The following SFT2D1 variants were observed in gnomAD, a reference collection of about 807,000 sequenced individuals.
The protein encoded by SFT2D1 is SFT2 domain containing 1, also known as vesicle transport protein SFT2A.
A neutral mutation model predicts 28.1 loss-of-function variants in SFT2D1; 24 were observed. That is an observed-to-expected ratio of 0.85 (90% CI 0.62 to 1.20). SFT2D1 has a LOEUF of 1.20. Among genes scored for constraint, SFT2D1 ranks in the 50% most tolerant of loss-of-function variants. SFT2D1 has a pLI of 0.00. For synonymous variants in SFT2D1, 82 were observed against 73.7 expected (o/e 1.11, Z -0.58); for missense variants, 181 against 190.9 (o/e 0.95, Z 0.31).
chr6:166,326,987 T>C lies in SFT2D1; in HGVS notation c.316-820A>G, dbSNP rs191150515. Among the ~76,000 whole-genome samples, 433 of 152,314 alleles carry C rather than the reference T, an allele frequency of 2.8e-3. 2 individuals are homozygous for C. Among genetic ancestry groups the C allele is most frequent in the Middle Eastern group, 6.8e-3 (2 of 294 alleles). On this transcript the variant is annotated intron_variant, in intron 4 of 7. Transcript: ENST00000361731. ...ATATATGTTGATACATATGCTATTA[T>C]AGGAAATTCAAAATAATTGGAGATT...
Position 166,328,282 on chromosome 6 carries a change from A to G in SFT2D1, c.309T>C (p.Val103=). The change falls in exon 4 of 8, where the codon GTT becomes GTC. Residue 103 remains valine, a synonymous_variant. Transcript: ENST00000361731. ...FEATRLLATI[V]MLLCFIFTLC... ...AAATGTATTATTTACTTACAAGCAT[A>G]ACAATTGTTGCAAGCAATCTTGTTG... The G allele has an allele frequency of 6.3e-7, 1 of 1,581,124 alleles. No homozygotes were observed. Among genetic ancestry groups the G allele is most frequent in the South Asian group, 1.2e-5 (1 of 84,610 alleles).
intron 1 of SFT2D1, among the ~76,000 whole-genome samples, chr6:166,337,234 GA>G (rs1778672228): frequency 6.6e-6 from 1 of 152,208 alleles, no homozygotes; most frequent in Admixed American, 6.5e-5. Context: ...GAGGCTGTAG[GA>G]GTAGACGGGA....
In SFT2D1 at chr6:166,342,517, T is replaced by A. The variant is rs533081754; in HGVS notation, c.-36A>T. The A allele has an allele frequency of 2.9e-5, 44 of 1,517,934 alleles. No homozygotes were observed. Among genetic ancestry groups the A allele is most frequent in the Non-Finnish European group, 3.9e-5 (44 of 1,119,846 alleles). The allele number at this position is 1,517,934 out of a possible 1,614,324, so 94.0% of individuals were successfully genotyped here. ...CAGGGCCGTAGCGGCCGCCACTCTG[T>A]TGCCTGCCCCTGACGCCCACCAGGA... On this transcript the variant is annotated 5_prime_UTR_variant, in exon 1 of 8. Coordinates refer to ENST00000361731, the MANE Select transcript of SFT2D1 (RefSeq NM_145169.3).
At chr6:166,320,630 C>T (rs1778335119) in intron 7 of SFT2D1, among the ~76,000 whole-genome samples, 1 of 151,988 alleles carries the variant, frequency 6.6e-6, no homozygotes, top group Admixed American at 6.6e-5. Flanking sequence ...GATCCTCCCA[C>T]CTCAGCCTCC....
At chr6:166,341,830 G>GA (rs34430737) in intron 1 of SFT2D1, among the ~76,000 whole-genome samples, 106,914 of 147,642 alleles carry the variant, frequency 0.72, 38,560 homozygotes, top group East Asian at 0.92. Context: ...CTTTTATTAA[G>GA]AAAAAAAAAA....
chr6:166,336,148 C>A (rs1583041907), intron 1 of SFT2D1, among the ~76,000 whole-genome samples: 1 of 152,256 alleles, frequency 6.6e-6, no homozygotes, highest in Middle Eastern at 3.4e-3. Context: ...TTGGTAAACT[C>A]CCCCAAGAGT....
In SFT2D1 at chr6:166,338,120, G is replaced by A. The variant is rs181135356; in HGVS notation, c.63+4299C>T. 2.5e-3 allele frequency among the ~76,000 whole-genome samples: 388 copies of A among 152,290 alleles called. 1 individual carries two copies. Among genetic ancestry groups the A allele is most frequent in the African/African-American group, 8.6e-3 (359 of 41,552 alleles). Reference sequence around the variant, plus strand: ...GTTGTTTATAAATCACAAAGTCTAAGGTATTTTATTACAGCAGGCTGAATG... The same window carrying A: ...GTTGTTTATAAATCACAAAGTCTAAAGTATTTTATTACAGCAGGCTGAATG... On this transcript the variant is annotated intron_variant, in intron 1 of 7. Coordinates refer to ENST00000361731, the MANE Select transcript of SFT2D1 (RefSeq NM_145169.3).
chr6:166,328,284 C>A lies in SFT2D1; in HGVS notation c.307G>T (p.Val103Phe). The A allele has an allele frequency of 6.3e-7, 1 of 1,586,202 alleles. No homozygotes were observed. Among genetic ancestry groups the A allele is most frequent in the Non-Finnish European group, 8.6e-7 (1 of 1,166,684 alleles). ...ATGTATTATTTACTTACAAGCATAA[C>A]AATTGTTGCAAGCAATCTTGTTGCT... ...FEATRLLATIVMLLCFIFTLC... is the reference protein window; with the variant it reads ...FEATRLLATIFMLLCFIFTLC... The change falls in exon 4 of 8, where the codon GTT (valine) becomes TTT (phenylalanine). Residue 103 changes from valine (V) to phenylalanine (F), a missense_variant. Coordinates refer to ENST00000361731, the MANE Select transcript of SFT2D1 (RefSeq NM_145169.3).
intron 1 of SFT2D1, among the ~76,000 whole-genome samples, chr6:166,340,848 T>C (rs890157965): frequency 1.3e-5 from 2 of 152,264 alleles, no homozygotes; most frequent in Non-Finnish European, 2.9e-5. Context: ...TATTTGTTAA[T>C]GAACGATCAC....
chr6:166,335,651 C>A (rs190058423), intron 1 of SFT2D1, among the ~76,000 whole-genome samples: 7 of 151,828 alleles, frequency 4.6e-5, no homozygotes, highest in African/African-American at 1.7e-4. Context: ...ACATGCTTAG[C>A]GTTCCAATAA....
chr6:166,336,818 C>T (rs538023833), intron 1 of SFT2D1, among the ~76,000 whole-genome samples: 1 of 152,240 alleles, frequency 6.6e-6, no homozygotes, highest in South Asian at 2.1e-4. Flanking sequence ...AATCCTCCTG[C>T]CTCAGGCTTC....
At position 166,330,150 on chromosome 6, in the gene SFT2D1, C is replaced by T. The variant is rs376707135; in HGVS notation, c.150+11G>A. 16 of 1,565,854 alleles carry T rather than the reference C, an allele frequency of 1.0e-5. No individual in the cohort carries two copies. The African/African-American group carries it at 2.1e-4, about 20-fold the overall frequency. On this transcript the variant is annotated intron_variant, in intron 2 of 7. Transcript: ENST00000361731. ...ATAAAAATTATTAAACAATATAAAGCCTTAACTCACAAGAATAGAAAAGAA... is the reference window on the plus strand; with the variant it reads ...ATAAAAATTATTAAACAATATAAAGTCTTAACTCACAAGAATAGAAAAGAA...
chr6:166,332,797 G>C (rs1299759504), intron 1 of SFT2D1, among the ~76,000 whole-genome samples: 1 of 152,246 alleles, frequency 6.6e-6, no homozygotes, highest in Non-Finnish European at 1.5e-5. Context: ...AGTAAGCACA[G>C]CACTGCTTGC....
intron 7 of SFT2D1, among the ~76,000 whole-genome samples, chr6:166,321,352 G>A (rs953374215): frequency 2.0e-5 from 3 of 152,128 alleles, no homozygotes; most frequent in African/African-American, 4.8e-5. Context: ...TGTGTCTGGA[G>A]AGGCTGGTCA....
At chr6:166,323,785 C>T (rs1379889495) in intron 6 of SFT2D1, 2 of 152,182 alleles carry the variant, frequency 1.3e-5, no homozygotes, top group African/African-American at 2.4e-5. Context: ...TTTGGAATAT[C>T]TGCATTACAT....
At chr6:166,340,926 C>G (rs748717918) in intron 1 of SFT2D1, among the ~76,000 whole-genome samples, 1 of 152,212 alleles carries the variant, frequency 6.6e-6, no homozygotes, top group Non-Finnish European at 1.5e-5. Context: ...TACTTCTCCA[C>G]ATATCTTTCT....
intron 1 of SFT2D1, among the ~76,000 whole-genome samples, chr6:166,338,983 T>C (rs1008106061): frequency 5.4e-4 from 82 of 152,186 alleles, no homozygotes; most frequent in African/African-American, 1.9e-3. Flanking sequence ...ACTCCTCAAC[T>C]GGCCTAGAAC....
At chr6:166,327,564 A>T (rs1002301891) in intron 4 of SFT2D1, among the ~76,000 whole-genome samples, 3 of 152,190 alleles carry the variant, frequency 2.0e-5, no homozygotes, top group Non-Finnish European at 2.9e-5. Flanking sequence ...CAGATGACAA[A>T]TGATGCTAAA....
chr6:166,321,491 C>A (rs1223362057), intron 7 of SFT2D1, among the ~76,000 whole-genome samples: 1 of 152,170 alleles, frequency 6.6e-6, no homozygotes, highest in Non-Finnish European at 1.5e-5. Flanking sequence ...GTAAATTACC[C>A]TTGCACACTC....
Sources: allele counts gnomAD v4.1 joint callset (sites outside exome capture counted in the v4.1 genomes callset), GRCh38; gene constraint gnomAD v4.1.1; transcripts MANE v1.5; gene names NCBI Gene and HGNC (gene_info 2026-07-23, HGNC 2026-07-21).